Variants in MYT1L observed in about 807,000 individuals in gnomAD.
MYT1L encodes the protein myelin transcription factor 1 like.
MYT1L carries 12 observed loss-of-function variants against 126.7 expected under a neutral mutation model. That is an observed-to-expected ratio of 0.09 (90% confidence interval 0.06 to 0.15). MYT1L has a LOEUF of 0.15. Among genes scored for constraint, MYT1L ranks in the 10% least tolerant of loss-of-function variants. The pLI, the probability that MYT1L is intolerant of heterozygous loss-of-function variation, is 1.00. For synonymous variants in MYT1L, 541 were observed against 604.2 expected (o/e 0.90, Z 1.53); for missense variants, 979 against 1,585.2 (o/e 0.62, Z 6.49).
intron 18 of MYT1L, among the ~76,000 whole-genome samples, chr2:1,879,299 G>T (rs547841642): frequency 6.6e-6 from 1 of 152,278 alleles, no homozygotes; most frequent in East Asian, 1.9e-4. Context: ...CTATAAATTA[G>T]TGAAGTGTTT....
intron 3 of MYT1L, among the ~76,000 whole-genome samples, chr2:2,129,778 C>T (rs1376408215): frequency 1.3e-5 from 2 of 151,870 alleles, no homozygotes; most frequent in African/African-American, 2.4e-5. Flanking sequence ...TGGTGGCGGG[C>T]GCCTGTAGTC....
intron 8 of MYT1L, among the ~76,000 whole-genome samples, chr2:1,966,173 A>C (rs2059338107): frequency 6.6e-6 from 1 of 152,356 alleles, no homozygotes; most frequent in South Asian, 2.1e-4. Flanking sequence ...CTATGGCAAA[A>C]ACCATGCCCA....
At chr2:1,952,403 G>A (rs531377417) in intron 8 of MYT1L, among the ~76,000 whole-genome samples, 2 of 151,962 alleles carry the variant, frequency 1.3e-5, no homozygotes, top group Non-Finnish European at 2.9e-5. Flanking sequence ...GGTACCTCTC[G>A]GGCTTTGACC....
chr2:1,998,283 G>A (rs968609155), intron 4 of MYT1L, among the ~76,000 whole-genome samples: 10 of 152,312 alleles, frequency 6.6e-5, no homozygotes, highest in Non-Finnish European at 1.3e-4. Context: ...CAGAGAGCCC[G>A]GAGCCCTGCG....
intron 8 of MYT1L, among the ~76,000 whole-genome samples, chr2:1,956,035 TTCTATGTA>T (rs2058311000): frequency 1.3e-5 from 2 of 148,424 alleles, no homozygotes; most frequent in Admixed American, 1.3e-4. Context: ...TCATCCCTAG[TTCTATGTA>T]TCTATGTATC....
chr2:1,906,083 T>C (rs1346443838), intron 13 of MYT1L, among the ~76,000 whole-genome samples: 1 of 152,236 alleles, frequency 6.6e-6, no homozygotes, highest in African/African-American at 2.4e-5. Context: ...TGCTTTTTTA[T>C]GATTCACTGA....
Position 1,979,782 on chromosome 2 carries a change from G to A in MYT1L, c.1-5C>T. 1.2e-6 allele frequency: 2 copies of A among 1,613,856 alleles called. No individual in the cohort carries two copies. Among genetic ancestry groups the A allele is most frequent in the Non-Finnish European group, 8.5e-7 (1 of 1,179,876 alleles). On this transcript the variant is annotated splice_polypyrimidine_tract_variant and splice_region_variant and intron_variant, in intron 5 of 24. Transcript: ENST00000647738. This position sits in a 1 kb window ranked among gnomAD's most constrained non-coding sequence, Gnocchi z 4.0. ...CTCCTCGGTGTCCACCTCCATCTGGGGATAGATTAGCAGCCATCAATGTGC... is the reference window on the plus strand; with the variant it reads ...CTCCTCGGTGTCCACCTCCATCTGGAGATAGATTAGCAGCCATCAATGTGC...
chr2:1,930,696 T>C (rs2054841190), intron 9 of MYT1L, among the ~76,000 whole-genome samples: 1 of 152,228 alleles, frequency 6.6e-6, no homozygotes, highest in African/African-American at 2.4e-5. Flanking sequence ...AAAGTTGCTC[T>C]TAAGAGTTGT....
intron 2 of MYT1L, among the ~76,000 whole-genome samples, chr2:2,241,283 G>A (rs1559434982): frequency 1.3e-5 from 2 of 151,952 alleles, no homozygotes; most frequent in African/African-American, 4.8e-5. Flanking sequence ...TTTTGTGTGT[G>A]TGTGTGTGTG....
At chr2:2,311,754 C>T (rs1014800947) in intron 1 of MYT1L, among the ~76,000 whole-genome samples, 3 of 152,164 alleles carry the variant, frequency 2.0e-5, no homozygotes, top group South Asian at 4.2e-4. Flanking sequence ...TTCCCACCCA[C>T]GCCAGGCCCT....
At chr2:2,330,827 A>G (rs1301740278) in intron 1 of MYT1L, 140 bp downstream of exon 1, 1 of 152,194 alleles carries the variant, frequency 6.6e-6, no homozygotes, top group East Asian at 1.9e-4. Context: ...GTCCAGGAAC[A>G]TTTCAGCTAC....
chr2:1,987,664 G>A (rs2061150898), intron 5 of MYT1L, among the ~76,000 whole-genome samples: 1 of 152,226 alleles, frequency 6.6e-6, no homozygotes. Context: ...GGGAGTGCAG[G>A]TGCTCCCTGG....
intron 4 of MYT1L, among the ~76,000 whole-genome samples, chr2:2,044,568 T>C (rs1422155234): frequency 1.3e-5 from 2 of 152,224 alleles, no homozygotes; most frequent in Non-Finnish European, 2.9e-5. Flanking sequence ...AGATGCAGCC[T>C]GAGACAAAGC....
chr2:2,112,173 T>G (rs1343315853), intron 3 of MYT1L, among the ~76,000 whole-genome samples: 1 of 152,196 alleles, frequency 6.6e-6, no homozygotes, highest in African/African-American at 2.4e-5. Flanking sequence ...GCTCCAGTCC[T>G]GCTTTCCTGA....
At chr2:1,937,343 A>G (rs558698007) in intron 9 of MYT1L, among the ~76,000 whole-genome samples, 1 of 152,204 alleles carries the variant, frequency 6.6e-6, no homozygotes, top group East Asian at 1.9e-4. Context: ...TAATGTCTGC[A>G]GCCATCAGAT....
chr2:1,923,728 G>A (rs1019882808), intron 9 of MYT1L, among the ~76,000 whole-genome samples: 2 of 152,164 alleles, frequency 1.3e-5, no homozygotes, highest in African/African-American at 4.8e-5. Context: ...CTTTTAAATG[G>A]TCTATTTTCA....
intron 4 of MYT1L, among the ~76,000 whole-genome samples, chr2:2,044,473 C>T (rs1396905015): frequency 6.6e-6 from 1 of 152,158 alleles, no homozygotes; most frequent in Admixed American, 6.5e-5. Context: ...GATCGTGGTA[C>T]AATGGGACAA....
intron 3 of MYT1L, among the ~76,000 whole-genome samples, chr2:2,155,661 T>C (rs938980486): frequency 1.4e-4 from 21 of 152,200 alleles, no homozygotes; most frequent in African/African-American, 4.8e-4. Context: ...GCATGCTAAA[T>C]GGGATGCCCC....
At chr2:1,875,218 C>T (rs559503088) in intron 18 of MYT1L, among the ~76,000 whole-genome samples, 3 of 152,060 alleles carry the variant, frequency 2.0e-5, no homozygotes, top group East Asian at 1.9e-4. Context: ...GCGATCGCTG[C>T]GGGGAAAGGT....
Sources: gnomAD v4.1 joint callset for allele counts (sites outside exome capture counted in the v4.1 genomes callset) on GRCh38, gnomAD v4.1.1 for gene constraint, Gnocchi (gnomAD v3.1) non-coding constraint, MANE v1.5 for transcripts, NCBI Gene and HGNC (gene_info 2026-07-23, HGNC 2026-07-21) for gene names.